Variants in PHACTR3 observed in about 807,000 individuals in gnomAD.
PHACTR3 encodes the protein protein phosphatase 1, regulatory subunit 123.
Under a neutral mutation model 66.8 loss-of-function variants are expected in PHACTR3, and 16 were observed. That is an observed-to-expected ratio of 0.24 (90% CI 0.16 to 0.36). The LOEUF (loss-of-function observed/expected upper bound fraction) is 0.36, where lower values mean the gene tolerates loss of function less well. Ranked by LOEUF, PHACTR3 falls within the 10% of genes least tolerant of loss-of-function variation. The pLI, the probability that PHACTR3 is intolerant of heterozygous loss-of-function variation, is 1.00. For missense variants in PHACTR3, 647 were observed against 719.9 expected, an observed-to-expected ratio of 0.90 and a Z score of 1.16; for synonymous variants, 323 against 292.1, an observed-to-expected ratio of 1.11 and a Z score of -1.08.
chr20:59,785,841 A>G (rs1414756681), intron 7 of PHACTR3, among the ~76,000 whole-genome samples: 1 of 131,530 alleles, frequency 7.6e-6, no homozygotes, highest in African/African-American at 2.9e-5. Flanking sequence ...TTTGTTTTCC[A>G]GCAGCCCTCT....
At chr20:59,717,232 A>G (rs947931295) in intron 1 of PHACTR3, among the ~76,000 whole-genome samples, 7 of 152,276 alleles carry the variant, frequency 4.6e-5, no homozygotes, top group Non-Finnish European at 7.4e-5. Context: ...GGCAGAATTA[A>G]TGATCTTAAT....
intron 3 of PHACTR3, among the ~76,000 whole-genome samples, chr20:59,749,320 T>A (rs2039491620): frequency 6.6e-6 from 1 of 152,218 alleles, no homozygotes; most frequent in South Asian, 2.1e-4. Context: ...ACTACTTTTG[T>A]TGAGTAAAGA....
chr20:59,799,494 T>C (rs908353131), intron 7 of PHACTR3, among the ~76,000 whole-genome samples: 3 of 152,134 alleles, frequency 2.0e-5, no homozygotes, highest in African/African-American at 7.2e-5. Flanking sequence ...TGTGCTCTCC[T>C]GATGAAGGTA....
intron 1 of PHACTR3, among the ~76,000 whole-genome samples, chr20:59,609,119 G>A (rs1430661292): frequency 6.6e-6 from 1 of 152,220 alleles, no homozygotes; most frequent in Non-Finnish European, 1.5e-5. Flanking sequence ...GGAGAGCAAA[G>A]AGGAGCCAGC....
At chr20:59,804,043 AC>A (rs2041497164) in intron 7 of PHACTR3, among the ~76,000 whole-genome samples, 2 of 152,186 alleles carry the variant, frequency 1.3e-5, no homozygotes, top group African/African-American at 2.4e-5. Context: ...TAGAAGGGTC[AC>A]TCAAATCCAT....
At chr20:59,778,368 T>G (rs1437995398) in intron 7 of PHACTR3, among the ~76,000 whole-genome samples, 1 of 152,134 alleles carries the variant, frequency 6.6e-6, no homozygotes, top group African/African-American at 2.4e-5. Flanking sequence ...CGCCTCTCCC[T>G]TGGACCCAGC....
intron 7 of PHACTR3, among the ~76,000 whole-genome samples, chr20:59,781,312 CA>C (rs996092192): frequency 6.6e-6 from 1 of 152,210 alleles, no homozygotes; most frequent in African/African-American, 2.4e-5. Context: ...TCAGGAGAAA[CA>C]AGCCTCAAGA....
intron 1 of PHACTR3, among the ~76,000 whole-genome samples, chr20:59,580,566 GT>G (rs10690263): frequency 0.032 from 4,777 of 147,202 alleles, 225 homozygotes; most frequent in African/African-American, 0.11. Flanking sequence ...CACTAAATGA[GT>G]TTTTTTTTTT....
chr20:59,628,500 C>A, intron 1 of PHACTR3: 1 of 379,034 alleles, frequency 2.6e-6, no homozygotes, highest in Non-Finnish European at 3.6e-6. Context: ...GGCTTTGGCC[C>A]TCGGAGTGCA....
chr20:59,723,060 C>CTTTCTT (rs1555823459), intron 1 of PHACTR3, among the ~76,000 whole-genome samples: 17 of 118,768 alleles, frequency 1.4e-4, no homozygotes, highest in African/African-American at 4.6e-4. Flanking sequence ...TTCTTTCTTT[C>CTTTCTT]TCTTTCTTTC....
intron 1 of PHACTR3, among the ~76,000 whole-genome samples, chr20:59,586,446 G>C (rs895852681): frequency 1.3e-5 from 2 of 152,036 alleles, no homozygotes; most frequent in African/African-American, 4.8e-5. Flanking sequence ...GTGCATGTTC[G>C]ATTTCTATTT....
chr20:59,813,777 G>T (rs1046281864), intron 8 of PHACTR3, among the ~76,000 whole-genome samples: 2 of 152,058 alleles, frequency 1.3e-5, no homozygotes, highest in Non-Finnish European at 2.9e-5. Context: ...GGGGCCATGG[G>T]TCCAGGTGGT....
intron 7 of PHACTR3, among the ~76,000 whole-genome samples, chr20:59,786,302 A>C (rs1568821324): frequency 6.6e-6 from 1 of 152,182 alleles, no homozygotes; most frequent in East Asian, 1.9e-4. Flanking sequence ...CACCTGCTGG[A>C]GGTTCAATTT....
chr20:59,844,601 AT>A, intron 11 of PHACTR3: 1 of 152,322 alleles, frequency 6.6e-6, no homozygotes, highest in South Asian at 2.1e-4. Context: ...CAAATATCGC[AT>A]GTTCTCACTC....
intron 8 of PHACTR3, among the ~76,000 whole-genome samples, chr20:59,814,780 A>G (rs1427364160): frequency 1.3e-5 from 2 of 152,142 alleles, no homozygotes; most frequent in Non-Finnish European, 1.5e-5. Context: ...GGAATGGAGC[A>G]GTGTTAAGCT....
intron 7 of PHACTR3, among the ~76,000 whole-genome samples, chr20:59,799,550 GT>G (rs1459810976): frequency 6.6e-6 from 1 of 152,068 alleles, no homozygotes; most frequent in Non-Finnish European, 1.5e-5. Context: ...ACCTGATGAG[GT>G]TTCTTGCTCT....
chr20:59,778,389 C>T (rs1166244947), intron 7 of PHACTR3, among the ~76,000 whole-genome samples: 1 of 152,150 alleles, frequency 6.6e-6, no homozygotes, highest in Non-Finnish European at 1.5e-5. Context: ...CCATGGGCCT[C>T]TTTGATGGTC....
At position 59,645,294 on chromosome 20, in the gene PHACTR3, G is replaced by T. The variant is rs549502770; in HGVS notation, c.118+40162G>T. On this transcript the variant is annotated intron_variant, in intron 1 of 12. Transcript: ENST00000371015. The stretch of plus-strand genomic sequence containing the variant: ...ATGAGTCCCCCAAAGGCAGGGCTGG[G>T]TTAACCTCCCTGGGCCCAGAGAACA... 1.5e-4 allele frequency among the ~76,000 whole-genome samples: 23 copies of T among 149,040 alleles called. No individual in the cohort carries two copies. The East Asian group carries it at 3.0e-3, about 19-fold the overall frequency.
At chr20:59,692,585 C>T (rs1468529425) in intron 1 of PHACTR3, among the ~76,000 whole-genome samples, 1 of 152,198 alleles carries the variant, frequency 6.6e-6, no homozygotes, top group Non-Finnish European at 1.5e-5. Context: ...CATGAGTTAA[C>T]CCTTCAGGCT....
Sources: gnomAD v4.1 joint callset for allele counts (sites outside exome capture counted in the v4.1 genomes callset) on GRCh38, gnomAD v4.1.1 for gene constraint, MANE v1.5 for transcripts, NCBI Gene and HGNC (gene_info 2026-07-23, HGNC 2026-07-21) for gene names.